ZNF484: variants seen among roughly 807,000 people sequenced by gnomAD.
ZNF484 encodes the protein KRAB box containing C2H2 type zinc finger bA526D8.4.
Under a neutral mutation model 12.9 loss-of-function variants are expected in ZNF484, and 11 were observed. That is an observed-to-expected ratio of 0.85 (90% CI 0.54 to 1.41). The LOEUF (loss-of-function observed/expected upper bound fraction) is 1.41, where lower values mean the gene tolerates loss of function less well. Ranked by LOEUF, ZNF484 falls within the 40% of genes most tolerant of loss-of-function variation. The pLI is 0.00. For synonymous variants in ZNF484, 289 were observed against 334.1 expected, an observed-to-expected ratio of 0.86 and a Z score of 1.47; for missense variants, 807 against 1,007.7, an observed-to-expected ratio of 0.80 and a Z score of 2.70.
Position 92,856,203 on chromosome 9 carries a change from A to T in ZNF484, c.131T>A (p.Leu44Ter), listed in dbSNP as rs1261773785. ...REVMLENYFN[L>*]ISVGCQVPKP... ...AGAGCCGTGCTTACCCACTGAGATC[A>T]AGTTGAAATAGTTTTCCAGCATCAC... The change falls in exon 3 of 5, where the codon TTG becomes TAG. Residue 44 changes from leucine to a stop codon, truncating the protein, a stop_gained. Coordinates refer to ENST00000375495, the MANE Select transcript of ZNF484 (RefSeq NM_031486.4). LOFTEE classifies it high-confidence loss of function. 8 of 1,613,914 alleles carry T rather than the reference A, an allele frequency of 5.0e-6. No individual in the cohort carries two copies. The South Asian group carries it at 8.8e-5, about 18-fold the overall frequency.
chr9:92,849,731 CA>C (rs900970015), intron 4 of ZNF484, among the ~76,000 whole-genome samples: 1 of 151,958 alleles, frequency 6.6e-6, no homozygotes, highest in African/African-American at 2.4e-5. Context: ...TTTGAAGCTG[CA>C]GTGAGCTCTG....
chr9:92,849,688 G>A (rs956341788), intron 4 of ZNF484, among the ~76,000 whole-genome samples: 1 of 152,144 alleles, frequency 6.6e-6, no homozygotes, highest in Non-Finnish European at 1.5e-5. Context: ...CTACTTAGGA[G>A]GCTGAAGCAG....
At position 92,849,381 on chromosome 9, in the gene ZNF484, T is replaced by C. The variant is rs1251481695; in HGVS notation, c.236-830A>G. 2.0e-5 allele frequency among the ~76,000 whole-genome samples: 3 copies of C among 152,210 alleles called. No individual in the cohort carries two copies. The South Asian group carries it at 6.2e-4, about 32-fold the overall frequency. On this transcript the variant is annotated intron_variant, in intron 4 of 4. Coordinates refer to ENST00000375495, the MANE Select transcript of ZNF484 (RefSeq NM_031486.4). ...ATATATAGGTATAATAACTCATTTA[T>C]ATATAATATGTAATACAATGATGTA...
At chr9:92,853,104 A>C (rs1856209348) in intron 4 of ZNF484, among the ~76,000 whole-genome samples, 1 of 152,234 alleles carries the variant, frequency 6.6e-6, no homozygotes, top group African/African-American at 2.4e-5. Flanking sequence ...CAATGTTTTA[A>C]GTAGTGAAAT....
chr9:92,877,133 A>T (rs1490950535), intron 1 of ZNF484, among the ~76,000 whole-genome samples: 2 of 152,192 alleles, frequency 1.3e-5, no homozygotes, highest in Non-Finnish European at 2.9e-5. Flanking sequence ...GAACTTATGC[A>T]TTTCATAAAG....
chr9:92,873,520 T>C (rs937694014), intron 2 of ZNF484, among the ~76,000 whole-genome samples: 1 of 152,204 alleles, frequency 6.6e-6, no homozygotes, highest in African/African-American at 2.4e-5. Flanking sequence ...GAGTTTGTAA[T>C]CTTAAAACTT....
chr9:92,852,299 G>C (rs770823693), intron 4 of ZNF484, among the ~76,000 whole-genome samples: 1 of 152,110 alleles, frequency 6.6e-6, no homozygotes, highest in African/African-American at 2.4e-5. Flanking sequence ...TTTTGTTTTT[G>C]TTTTTGTTTT....
At chr9:92,861,926 T>G (rs1392231716) in intron 2 of ZNF484, among the ~76,000 whole-genome samples, 1 of 152,138 alleles carries the variant, frequency 6.6e-6, no homozygotes, top group Non-Finnish European at 1.5e-5. Flanking sequence ...GAATAGAACC[T>G]GAAAACAGTC....
chr9:92,857,192 TG>T (rs1316133775), intron 2 of ZNF484, among the ~76,000 whole-genome samples: 1 of 152,144 alleles, frequency 6.6e-6, no homozygotes, highest in African/African-American at 2.4e-5. Flanking sequence ...TTCAAAGCAC[TG>T]GAAAGCTGCT....
rs184132879 is a variant in ZNF484 at position 92,861,835 on chromosome 9, C to T, written c.16-5517G>A. Among the ~76,000 whole-genome samples, 3 of 152,262 alleles carry T rather than the reference C, an allele frequency of 2.0e-5. No individual in the cohort carries two copies. In the East Asian group the frequency reaches 5.8e-4, roughly 29 times the overall value. Reference sequence around the variant, plus strand: ...AAGGCATAAATGTACAGATTCAAGTCGCTGACCAAATCTCCAAAAGGAAAA... The same window carrying T: ...AAGGCATAAATGTACAGATTCAAGTTGCTGACCAAATCTCCAAAAGGAAAA... On this transcript the variant is annotated intron_variant, in intron 2 of 4. Coordinates refer to ENST00000375495, the MANE Select transcript of ZNF484 (RefSeq NM_031486.4).
At chr9:92,863,842 C>T (rs1282890697) in intron 2 of ZNF484, among the ~76,000 whole-genome samples, 1 of 152,148 alleles carries the variant, frequency 6.6e-6, no homozygotes, top group Non-Finnish European at 1.5e-5. Flanking sequence ...ATTTGGGAGT[C>T]ACCAGTAGAT....
intron 4 of ZNF484, among the ~76,000 whole-genome samples, chr9:92,854,023 CT>C (rs1399907401): frequency 2.0e-5 from 3 of 151,966 alleles, no homozygotes; most frequent in Non-Finnish European, 4.4e-5. Context: ...GCTGGGCTAA[CT>C]ATTCCCTTAT....
intron 2 of ZNF484, among the ~76,000 whole-genome samples, chr9:92,866,196 T>G (rs1054545154): frequency 5.3e-5 from 8 of 152,322 alleles, no homozygotes; most frequent in Non-Finnish European, 1.2e-4. Context: ...TGTACTTATT[T>G]TCTTACTTTT....
Position 92,847,166 on chromosome 9 carries a change from T to A in ZNF484, c.1621A>T (p.Ile541Leu). The change falls in exon 5 of 5, where the codon ATA becomes TTA. Residue 541 changes from isoleucine (I) to leucine (L), a missense_variant. Physicochemically the swap from Ile to Leu is conservative, Grantham distance 5. Transcript: ENST00000375495. The stretch of plus-strand genomic sequence containing the variant: ...TCTCCAGTATGACACTTCTGATGTA[T>A]CCTGAGCCGAGACTTCCAGGTGAAT... ...KSFTWKSRLR[I>L]HQKCHTGERH... 6.2e-7 allele frequency: 1 copy of A among 1,614,140 alleles called. No individual in the cohort carries two copies. Among genetic ancestry groups the A allele is most frequent in the South Asian group, 1.1e-5 (1 of 91,080 alleles).
chr9:92,871,124 T>C (rs561304835), intron 2 of ZNF484, among the ~76,000 whole-genome samples: 21 of 152,300 alleles, frequency 1.4e-4, no homozygotes, highest in South Asian at 1.0e-3. Flanking sequence ...ACTGAAGTGA[T>C]GTATGTTATC....
rs759625563 is a variant in ZNF484, at chr9:92,848,596, C to T, written c.236-45G>A. 10 of 1,508,950 alleles carry T rather than the reference C, an allele frequency of 6.6e-6. No homozygotes were observed. The highest frequency in any genetic ancestry group is 7.9e-6 in the Non-Finnish European group (9 of 1,140,250). 93.5% of individuals were successfully genotyped at this position (1,508,950 alleles called of 1,614,324 possible). On this transcript the variant is annotated intron_variant, in intron 4 of 4. Transcript: ENST00000375495. The surrounding 1 kb of genome is among the most constrained non-coding windows in gnomAD (Gnocchi z 4.1). Reference sequence around the variant, plus strand: ...TAAGACTGACAAAAAGAACAATTAACAGAAAATAAGGCCAGGTGCGGTGGC... The same window carrying T: ...TAAGACTGACAAAAAGAACAATTAATAGAAAATAAGGCCAGGTGCGGTGGC...
Position 92,848,095 on chromosome 9 carries a change from G to C in ZNF484, c.692C>G (p.Pro231Arg), listed in dbSNP as rs1172710412. 3 of 1,614,168 alleles carry C rather than the reference G, an allele frequency of 1.9e-6. No homozygotes were observed. In the East Asian group the frequency reaches 6.7e-5, roughly 36 times the overall value. ...TACECNQCGK[P>R]LHHKQALIQQ... ...AATGAGAGCTTGCTTATGATGCAGA[G>C]GTTTCCCACATTGGTTACATTCACA... The change falls in exon 5 of 5, where the codon CCT becomes CGT. Residue 231 changes from proline to arginine, a missense_variant. Coordinates refer to ENST00000375495, the MANE Select transcript of ZNF484 (RefSeq NM_031486.4). This position sits in a 1 kb window ranked among gnomAD's most constrained non-coding sequence, Gnocchi z 4.1.
chr9:92,846,135 T>C lies in ZNF484; in HGVS notation c.*93A>G. 7.7e-7 allele frequency: 1 copy of C among 1,292,148 alleles called. No individual in the cohort carries two copies. The highest frequency in any genetic ancestry group is 1.1e-6 in the Non-Finnish European group (1 of 937,260). The allele number at this position is 1,292,148 out of a possible 1,614,324, so 80.0% of individuals were successfully genotyped here. On this transcript the variant is annotated 3_prime_UTR_variant, in exon 5 of 5. Transcript: ENST00000375495. ...AACACCAATATCAAGTAACCAAAGA[T>C]GGCCACTATACATTGCTTAAACACT...
At chr9:92,871,953 G>C (rs772597047) in intron 2 of ZNF484, among the ~76,000 whole-genome samples, 2 of 152,210 alleles carry the variant, frequency 1.3e-5, no homozygotes, top group Non-Finnish European at 2.9e-5. Flanking sequence ...AGGAGGGCCA[G>C]GCGCGGTGGC....
Sources: allele counts gnomAD v4.1 joint callset (sites outside exome capture counted in the v4.1 genomes callset), GRCh38; gene constraint gnomAD v4.1.1; non-coding constraint Gnocchi (gnomAD v3.1); transcripts MANE v1.5; gene names NCBI Gene and HGNC (gene_info 2026-07-23, HGNC 2026-07-21).